DNAH3: variants seen among roughly 807,000 people sequenced by gnomAD.
DNAH3 encodes axonemal beta dynein heavy chain 3.
DNAH3 carries 332 observed loss-of-function variants against 432.5 expected under a neutral mutation model. The ratio of observed to expected loss-of-function variants is 0.77; its 90% confidence interval spans 0.70 to 0.84. The LOEUF (loss-of-function observed/expected upper bound fraction) is 0.84, where lower values mean the gene tolerates loss of function less well. Among genes scored for constraint, DNAH3 ranks in the 40% least tolerant of loss-of-function variants. The probability of loss-of-function intolerance (pLI) is 0.00; values close to 1 mark genes in which losing one functional copy is unlikely to be tolerated. For synonymous variants in DNAH3, 1,956 were observed against 1,900.2 expected, an observed-to-expected ratio of 1.03 and a Z score of -0.76; for missense variants, 4,861 against 5,114.0, an observed-to-expected ratio of 0.95 and a Z score of 1.51.
intron 54 of DNAH3, among the ~76,000 whole-genome samples, chr16:20,957,722 G>A (rs1405887173): frequency 1.4e-5 from 2 of 147,030 alleles, no homozygotes; most frequent in African/African-American, 5.0e-5. Context: ...CAGGAGAATC[G>A]CTTGAACCCG....
At chr16:21,156,004 A>G (rs1388939730) in intron 1 of DNAH3, among the ~76,000 whole-genome samples, 2 of 152,042 alleles carry the variant, frequency 1.3e-5, no homozygotes, top group Non-Finnish European at 2.9e-5. Context: ...TAAACAAGAG[A>G]CATTTATTTC....
intron 27 of DNAH3, among the ~76,000 whole-genome samples, chr16:21,057,031 A>G (rs758679274): frequency 3.9e-5 from 6 of 152,248 alleles, no homozygotes; most frequent in Non-Finnish European, 7.3e-5. Context: ...TCCACAGCCA[A>G]TCCTCTAAGA....
intron 44 of DNAH3, among the ~76,000 whole-genome samples, chr16:20,992,898 C>T (rs2086617337): frequency 6.6e-6 from 1 of 152,174 alleles, no homozygotes; most frequent in East Asian, 1.9e-4. Flanking sequence ...CAGAGTCTCA[C>T]TTTGTTGCCC....
intron 18 of DNAH3, among the ~76,000 whole-genome samples, chr16:21,096,429 G>C (rs956248602): frequency 6.6e-6 from 1 of 152,072 alleles, no homozygotes; most frequent in African/African-American, 2.4e-5. Context: ...ACTGCACCCA[G>C]ACAAGGATCT....
chr16:21,104,360 A>G lies in DNAH3; in HGVS notation c.2366+111T>C, dbSNP rs772285112. On this transcript the variant is annotated intron_variant, in intron 16 of 61. Coordinates refer to ENST00000261383, the Ensembl canonical transcript of DNAH3. ...CACCAATTGTTTTCAGACTTCGCCC[A>G]CACGTTGCCATGGAGTGAGCTGGGG... 704 of 886,680 alleles carry G rather than the reference A, an allele frequency of 7.9e-4. 3 individuals are homozygous for G. The highest frequency in any genetic ancestry group is 1.6e-4 in the Non-Finnish European group (88 of 543,764). 54.9% of individuals were successfully genotyped at this position (886,680 alleles called of 1,614,324 possible).
At chr16:21,005,167 TTC>T (rs1475541202) in intron 41 of DNAH3, among the ~76,000 whole-genome samples, 34 of 143,164 alleles carry the variant, frequency 2.4e-4, no homozygotes, top group African/African-American at 5.2e-4. Context: ...TTTTCTTTCT[TTC>T]TTTTTCTTTT....
At chr16:20,943,739 T>C (rs909610136) in intron 58 of DNAH3, among the ~76,000 whole-genome samples, 9 of 152,074 alleles carry the variant, frequency 5.9e-5, no homozygotes, top group African/African-American at 2.2e-4. Context: ...CCAGCACTTT[T>C]GGAAGCCAAC....
At chr16:21,057,916 C>T (rs753394212) in intron 27 of DNAH3, among the ~76,000 whole-genome samples, 170 bp downstream of exon 27, 3 of 152,130 alleles carry the variant, frequency 2.0e-5, no homozygotes, top group African/African-American at 7.2e-5. Flanking sequence ...CAGGACAGCT[C>T]GAATCCCAAA....
Position 21,042,103 on chromosome 16 carries a change from A to C in DNAH3, c.4562T>G (p.Leu1521Arg), listed in dbSNP as rs769737569. 3.7e-6 allele frequency: 6 copies of C among 1,613,882 alleles called. No individual in the cohort carries two copies. In the South Asian group the frequency reaches 6.6e-5, roughly 18 times the overall value. Residue 1521 changes from leucine (L) to arginine (R), a missense_variant, in exon 32 of 62, where the codon CTG becomes CGG. Physicochemically the swap from Leu to Arg is moderately radical, Grantham distance 102 (BLOSUM62 -2). Transcript: ENST00000261383. The stretch of plus-strand genomic sequence containing the variant: ...GATGAACACAGCGCAGGTTGGGTTC[A>C]GAGAGAGCTCAGTCCCTTCAAAGAT...
intron 29 of DNAH3, among the ~76,000 whole-genome samples, chr16:21,051,084 G>A (rs12102923): frequency 0.24 from 36,972 of 152,082 alleles, 4,786 homozygotes; most frequent in Admixed American, 0.33. Context: ...ACAAGTGGTT[G>A]AGGATTTTGA....
chr16:21,030,409 AAAAG>A (rs544277826), intron 37 of DNAH3, among the ~76,000 whole-genome samples: 7 of 152,166 alleles, frequency 4.6e-5, no homozygotes, highest in Non-Finnish European at 1.0e-4. Flanking sequence ...GAGAGAAAGA[AAAAG>A]AGAGAGAGAA....
At chr16:20,966,349 A>T (rs1424825600) in intron 52 of DNAH3, among the ~76,000 whole-genome samples, 1 of 151,692 alleles carries the variant, frequency 6.6e-6, no homozygotes, top group Admixed American at 6.6e-5. Flanking sequence ...GTGCCCAGCC[A>T]ATCTTTGTAT....
chr16:21,122,628 C>A (rs2092367939), intron 9 of DNAH3, among the ~76,000 whole-genome samples: 1 of 152,160 alleles, frequency 6.6e-6, no homozygotes, highest in Non-Finnish European at 1.5e-5. Context: ...CTCCCTTTCC[C>A]AAAGCCTTTA....
chr16:20,955,043 C>T (rs201222520), exon 55 of DNAH3: 1 of 1,607,262 alleles, frequency 6.2e-7, no homozygotes, highest in Non-Finnish European at 8.5e-7. Flanking sequence ...TGATGGATAG[C>T]TGGTTAGCCA....
At chr16:20,964,361 G>C (rs768238729) in exon 53 of DNAH3, 1 of 1,614,112 alleles carries the variant, frequency 6.2e-7, no homozygotes. Context: ...TTCCTCAAAC[G>C]GGTTGTGATG....
intron 49 of DNAH3, among the ~76,000 whole-genome samples, chr16:20,980,053 A>G (rs1245433884): frequency 1.3e-5 from 2 of 151,366 alleles, no homozygotes; most frequent in Non-Finnish European, 2.9e-5. Context: ...CCCAGCCACA[A>G]ATGGTCTTTG....
intron 14 of DNAH3, among the ~76,000 whole-genome samples, chr16:21,109,914 T>C (rs1365224978): frequency 6.6e-6 from 1 of 151,934 alleles, no homozygotes; most frequent in Non-Finnish European, 1.5e-5. Flanking sequence ...AATTTCTTAA[T>C]TTTTATTTTT....
At chr16:21,026,247 A>C (rs2088550095) in intron 38 of DNAH3, among the ~76,000 whole-genome samples, 1 of 152,196 alleles carries the variant, frequency 6.6e-6, no homozygotes, top group South Asian at 2.1e-4. Flanking sequence ...GCTGGGTTTT[A>C]GACTCCCACC....
rs1488629983 is a variant in DNAH3 at position 21,010,505 on chromosome 16, A to C, written c.6023-7298T>G. Reference sequence around the variant, plus strand: ...GGGTTGACAAACAAAGGTCCATGTCAAACAATGTGAGCCCAACATTGACAG... The same window carrying C: ...GGGTTGACAAACAAAGGTCCATGTCCAACAATGTGAGCCCAACATTGACAG... On this transcript the variant is annotated intron_variant, in intron 41 of 61. Coordinates refer to ENST00000261383, the Ensembl canonical transcript of DNAH3. 2.0e-5 allele frequency among the ~76,000 whole-genome samples: 3 copies of C among 152,220 alleles called. No homozygotes were observed. In the East Asian group the frequency reaches 5.8e-4, roughly 29 times the overall value.
Sources: allele counts gnomAD v4.1 joint callset (sites outside exome capture counted in the v4.1 genomes callset), GRCh38; gene constraint gnomAD v4.1.1; transcripts MANE v1.5; gene names NCBI Gene and HGNC (gene_info 2026-07-23, HGNC 2026-07-21).